The following SLC38A9 variants were observed in gnomAD, a reference collection of about 807,000 sequenced individuals.
The protein encoded by SLC38A9 is neutral amino acid transporter 9.
SLC38A9 carries 48 observed loss-of-function variants against 62.3 expected under a neutral mutation model. That is an observed-to-expected ratio of 0.77 (90% CI 0.61 to 0.98). SLC38A9 has a LOEUF of 0.98. Ranked by LOEUF, SLC38A9 falls within the 50% of genes least tolerant of loss-of-function variation. SLC38A9 has a pLI of 0.00. For missense variants in SLC38A9, 541 were observed against 679.8 expected (o/e 0.80, Z 2.27); for synonymous variants, 204 against 227.7 (o/e 0.90, Z 0.94).
chr5:55,676,159 T>C (rs528385390), intron 3 of SLC38A9, among the ~76,000 whole-genome samples: 3 of 152,246 alleles, frequency 2.0e-5, no homozygotes, highest in Non-Finnish European at 4.4e-5. Flanking sequence ...GTGTTGGCTT[T>C]ATTATTCTTT....
At position 55,626,336 on chromosome 5, in the gene SLC38A9, A is replaced by G; in HGVS notation, c.*158T>C. 1.6e-6 allele frequency: 1 copy of G among 640,066 alleles called. No homozygotes were observed. Among genetic ancestry groups the G allele is most frequent in the South Asian group, 2.7e-5 (1 of 36,388 alleles). The allele number at this position is 640,066 out of a possible 1,614,324, so 39.6% of individuals were successfully genotyped here. A position where few individuals can be genotyped will look rare whatever the true frequency, so the allele number is the denominator to read the frequency against. ...TTGCCCCTTTCCCCACCCCAATAAA[A>G]AAATACTCATTAAGGGGCCACTATT... On this transcript the variant is annotated 3_prime_UTR_variant, in exon 16 of 16. Coordinates refer to ENST00000396865, the MANE Select transcript of SLC38A9 (RefSeq NM_173514.4).
Position 55,630,083 on chromosome 5 carries a change from C to G in SLC38A9, c.1431-2103G>C, listed in dbSNP as rs1044893663. On this transcript the variant is annotated intron_variant, in intron 14 of 15. Transcript: ENST00000396865. ...CGATGCAACTCATAAGAAGCTACCA[C>G]TCGTCAGGTTTTGGCACAGTATCAA... Among the ~76,000 whole-genome samples, 16 of 152,186 alleles carry G rather than the reference C, an allele frequency of 1.1e-4. 1 individual carries two copies. Among genetic ancestry groups the G allele is most frequent in the Non-Finnish European group, 2.1e-4 (14 of 68,034 alleles).
intron 7 of SLC38A9, among the ~76,000 whole-genome samples, chr5:55,667,582 C>T (rs1750680099): frequency 6.6e-6 from 1 of 151,920 alleles, no homozygotes; most frequent in African/African-American, 2.4e-5. Flanking sequence ...TTTTGATATA[C>T]TGTTGGATTC....
intron 13 of SLC38A9, 157 bp from the exon 14 acceptor site, chr5:55,634,059 A>C (rs960551910): frequency 3.9e-6 from 2 of 517,912 alleles, no homozygotes; most frequent in Non-Finnish European, 6.7e-6. Context: ...GTATTTTTTC[A>C]ATGAGGTAAG....
intron 8 of SLC38A9, among the ~76,000 whole-genome samples, chr5:55,659,043 C>T (rs1057051685): frequency 3.9e-5 from 6 of 151,984 alleles, no homozygotes; most frequent in Admixed American, 1.3e-4. Flanking sequence ...TTGATTATCT[C>T]GAGATGCAGA....
At chr5:55,701,941 T>G (rs530507261) in intron 2 of SLC38A9, among the ~76,000 whole-genome samples, 23 of 152,340 alleles carry the variant, frequency 1.5e-4, no homozygotes, top group African/African-American at 4.8e-4. Context: ...CTTTGTCATT[T>G]CTTTCTCAGT....
chr5:55,660,425 T>G (rs187566540), intron 8 of SLC38A9, among the ~76,000 whole-genome samples: 1 of 152,178 alleles, frequency 6.6e-6, no homozygotes, highest in African/African-American at 2.4e-5. Context: ...CAAAAAAACA[T>G]TCAAAATGTA....
chr5:55,670,318 G>A lies in SLC38A9; in HGVS notation c.247-439C>T, dbSNP rs143163809. 2.7e-3 allele frequency among the ~76,000 whole-genome samples: 404 copies of A among 152,062 alleles called. 3 individuals are homozygous for A. Among genetic ancestry groups the A allele is most frequent in the African/African-American group, 9.5e-3 (393 of 41,504 alleles). On this transcript the variant is annotated intron_variant, in intron 4 of 15. Coordinates refer to ENST00000396865, the MANE Select transcript of SLC38A9 (RefSeq NM_173514.4). Reference sequence around the variant, plus strand: ...AACAAGTACTATGAATCTCTGATTAGTGAATTAAAAAATGACTTTTCAAAT... The same window carrying A: ...AACAAGTACTATGAATCTCTGATTAATGAATTAAAAAATGACTTTTCAAAT...
At chr5:55,669,101 C>A in intron 7 of SLC38A9, 127 bp downstream of exon 7, 1 of 556,094 alleles carries the variant, frequency 1.8e-6, no homozygotes, top group Non-Finnish European at 3.1e-6. Context: ...CGATGAATTA[C>A]AGAAGTAAAT....
chr5:55,630,687 A>C (rs530237961), intron 14 of SLC38A9, among the ~76,000 whole-genome samples: 1 of 152,250 alleles, frequency 6.6e-6, no homozygotes, highest in South Asian at 2.1e-4. Flanking sequence ...AGGTGTATAT[A>C]TTTATGGGGC....
At chr5:55,711,952 C>A (rs1317036097) in intron 1 of SLC38A9, among the ~76,000 whole-genome samples, 1 of 152,214 alleles carries the variant, frequency 6.6e-6, no homozygotes, top group African/African-American at 2.4e-5. Flanking sequence ...CATAGACACT[C>A]GGATTTCCTC....
chr5:55,642,494 T>C (rs1010229162), intron 12 of SLC38A9, among the ~76,000 whole-genome samples: 2 of 152,210 alleles, frequency 1.3e-5, no homozygotes, highest in Non-Finnish European at 2.9e-5. Context: ...AGGGAGACTT[T>C]GGTGGTAAAG....
chr5:55,659,254 A>C (rs576995494), intron 8 of SLC38A9, among the ~76,000 whole-genome samples: 11 of 150,380 alleles, frequency 7.3e-5, no homozygotes, highest in African/African-American at 1.2e-4. Context: ...TAAAAAAAAA[A>C]CCATCAATAT....
intron 3 of SLC38A9, among the ~76,000 whole-genome samples, chr5:55,674,459 A>G (rs1751802176): frequency 6.6e-6 from 1 of 152,176 alleles, no homozygotes; most frequent in South Asian, 2.1e-4. Flanking sequence ...GGTTAATATC[A>G]TAGGAGTGGG....
At chr5:55,685,970 T>C (rs1389097496) in intron 3 of SLC38A9, among the ~76,000 whole-genome samples, 1 of 152,226 alleles carries the variant, frequency 6.6e-6, no homozygotes. Flanking sequence ...ATCTCATTCT[T>C]TTTTATGGCT....
chr5:55,663,134 T>A (rs11739503), intron 8 of SLC38A9, among the ~76,000 whole-genome samples: 90,675 of 151,324 alleles, frequency 0.6, 27,751 homozygotes, highest in South Asian at 0.7. Flanking sequence ...AGTTCAGATG[T>A]TCCACCAGCC....
chr5:55,688,917 A>C (rs1009870593), intron 3 of SLC38A9, among the ~76,000 whole-genome samples: 1 of 152,178 alleles, frequency 6.6e-6, no homozygotes, highest in African/African-American at 2.4e-5. Context: ...CCTCTATTTG[A>C]AATTAATAAG....
intron 14 of SLC38A9, chr5:55,633,531 CTAAT>C (rs1580075796): frequency 6.1e-6 from 3 of 489,236 alleles, no homozygotes; most frequent in South Asian, 3.8e-5. Context: ...GGTATCGGAG[CTAAT>C]TAACTATACT....
At chr5:55,633,731 C>T in intron 14 of SLC38A9, 23 bp downstream of exon 14, 1 of 1,613,812 alleles carries the variant, frequency 6.2e-7, no homozygotes, top group Non-Finnish European at 8.5e-7. Context: ...GCACATCCTG[C>T]TGGTCAAGAG....
Sources: allele counts gnomAD v4.1 joint callset (sites outside exome capture counted in the v4.1 genomes callset), GRCh38; gene constraint gnomAD v4.1.1; transcripts MANE v1.5; gene names NCBI Gene and HGNC (gene_info 2026-07-23, HGNC 2026-07-21).